Variants in LBP observed in about 807,000 individuals in gnomAD.
The protein encoded by LBP is lipopolysaccharide binding protein, also known as lipopolysaccharide-binding protein.
In LBP, 53 loss-of-function variants were observed where a neutral mutation model predicts 56.6. The observed-to-expected ratio is 0.94, with a 90% CI of 0.75 to 1.18. The LOEUF (loss-of-function observed/expected upper bound fraction) is 1.18. Ranked by LOEUF, LBP falls within the 50% of genes most tolerant of loss-of-function variation. LBP has a pLI of 0.00. For missense variants in LBP, 601 were observed against 598.3 expected, an observed-to-expected ratio of 1.00 and a Z score of -0.05; for synonymous variants, 227 against 247.5, an observed-to-expected ratio of 0.92 and a Z score of 0.78.
intron 3 of LBP, among the ~76,000 whole-genome samples, chr20:38,353,947 G>A (rs913448645): frequency 6.6e-6 from 1 of 151,554 alleles, no homozygotes; most frequent in Admixed American, 6.6e-5. Flanking sequence ...AAGGAAATTG[G>A]CTCTTTAGAT....
intron 3 of LBP, among the ~76,000 whole-genome samples, chr20:38,352,165 A>T (rs1231081490): frequency 1.3e-5 from 2 of 152,180 alleles, no homozygotes; most frequent in Non-Finnish European, 2.9e-5. Context: ...TTTAAATGTA[A>T]TCACCTCTTC....
At chr20:38,352,502 C>T (rs2076823957) in intron 3 of LBP, among the ~76,000 whole-genome samples, 1 of 152,168 alleles carries the variant, frequency 6.6e-6, no homozygotes, top group South Asian at 2.1e-4. Context: ...TGCCTGTAAT[C>T]CCAGCACTTT....
intron 14 of LBP, among the ~76,000 whole-genome samples, chr20:38,374,489 C>G (rs1441796702): frequency 6.6e-6 from 1 of 150,888 alleles, no homozygotes; most frequent in Non-Finnish European, 1.5e-5. Flanking sequence ...CCCAGCTACT[C>G]AGGAGGCTGA....
At chr20:38,349,515 T>A in intron 1 of LBP, 33 bp from the exon 2 acceptor site, 1 of 1,521,258 alleles carries the variant, frequency 6.6e-7, no homozygotes, top group Non-Finnish European at 9.0e-7. Context: ...GGCAGGCAGA[T>A]CAAGCTGACT....
At chr20:38,374,156 G>T (rs1279071957) in intron 14 of LBP, 143 bp downstream of exon 14, 13 of 763,186 alleles carry the variant, frequency 1.7e-5, no homozygotes, top group Non-Finnish European at 2.6e-5. Flanking sequence ...GGTGCTCCTG[G>T]GCCTTGCCAT....
At chr20:38,364,825 C>T in intron 8 of LBP, 73 bp downstream of exon 8, 1 of 1,355,960 alleles carries the variant, frequency 7.4e-7, no homozygotes, top group Non-Finnish European at 1.0e-6. Context: ...CCTTTTCACC[C>T]CTGTTGACAT....
rs1266762751 is a variant in LBP at position 38,349,650 on chromosome 20, A to G, written c.227A>G (p.Tyr76Cys). 1.9e-6 allele frequency: 3 copies of G among 1,604,676 alleles called. No individual in the cohort carries two copies. The highest frequency in any genetic ancestry group is 1.1e-5 in the South Asian group (1 of 89,278). ...ATCCCCCACGTCGGCCGTGGGCGCTATGAGTTCCACAGGTGGGGCTCTCCC... is the reference window on the plus strand; with the variant it reads ...ATCCCCCACGTCGGCCGTGGGCGCTGTGAGTTCCACAGGTGGGGCTCTCCC... ...LRIPHVGRGRYEFHSLNIHSC... is the reference protein window; with the variant it reads ...LRIPHVGRGRCEFHSLNIHSC... Residue 76 changes from tyrosine (Y) to cysteine (C), a missense_variant, in exon 2 of 15, where the codon TAT becomes TGT. Tyr to Cys is a radical substitution (Grantham distance 194). Transcript: ENST00000217407.
At chr20:38,371,429 G>T in intron 12 of LBP, 107 bp downstream of exon 12, 1 of 865,522 alleles carries the variant, frequency 1.2e-6, no homozygotes, top group Non-Finnish European at 1.8e-6. Flanking sequence ...GAGAAGAGTT[G>T]ATTTTTTGCC....
chr20:38,373,088 C>T lies in LBP; in HGVS notation c.1277C>T (p.Ala426Val), dbSNP rs1179478330. Reference protein sequence around the residue: ...VGLFNAELLEALLNYYILNTF... With the variant: ...VGLFNAELLEVLLNYYILNTF... ...CTCTTCCAGGCAGAGCTGTTGGAAG[C>T]GCTCCTCAACTATTACATCCTTAAC... The change falls in exon 13 of 15, where the codon GCG (alanine) becomes GTG (valine). Residue 426 changes from alanine (A) to valine (V), a missense_variant. Coordinates refer to ENST00000217407, the MANE Select transcript of LBP (RefSeq NM_004139.5). The T allele has an allele frequency of 1.9e-5, 31 of 1,613,822 alleles. No individual in the cohort carries two copies. Among genetic ancestry groups the T allele is most frequent in the Middle Eastern group, 1.6e-4 (1 of 6,062 alleles).
chr20:38,355,465 A>G (rs2076835633), intron 5 of LBP, 56 bp downstream of exon 5: 1 of 1,449,816 alleles, frequency 6.9e-7, no homozygotes, highest in Non-Finnish European at 9.7e-7. Flanking sequence ...TGAATGGAAG[A>G]CCTCACTGAC....
chr20:38,370,236 C>A (rs1453084129), intron 10 of LBP, among the ~76,000 whole-genome samples: 1 of 151,930 alleles, frequency 6.6e-6, no homozygotes, highest in Non-Finnish European at 1.5e-5. Flanking sequence ...AATAGCCAGG[C>A]CTGGTGGCAT....
At position 38,373,275 on chromosome 20, in the gene LBP, C is replaced by A. The variant is rs1568836888; in HGVS notation, c.1324+140C>A. On this transcript the variant is annotated intron_variant, in intron 13 of 14. Coordinates refer to ENST00000217407, the MANE Select transcript of LBP (RefSeq NM_004139.5). Reference sequence around the variant, plus strand: ...ACTTCTCTCTGAGCTTAGTGACCTGCCTGTGACATGGGATCGTTGAAGTTG... The same window carrying A: ...ACTTCTCTCTGAGCTTAGTGACCTGACTGTGACATGGGATCGTTGAAGTTG... 2.1e-5 allele frequency: 15 copies of A among 699,818 alleles called. No individual in the cohort carries two copies. The East Asian group carries it at 3.8e-4, about 18-fold the overall frequency. The allele number at this position is 699,818 out of a possible 1,614,324, so 43.4% of individuals were successfully genotyped here. A position where few individuals can be genotyped will look rare whatever the true frequency, so the allele number is the denominator to read the frequency against.
Position 38,369,000 on chromosome 20 carries a change from C to A in LBP, c.987C>A (p.Ala329=). Residue 329 remains alanine, a synonymous_variant, in exon 10 of 15, where the codon GCC becomes GCA. Coordinates refer to ENST00000217407, the MANE Select transcript of LBP (RefSeq NM_004139.5). The part of the protein sequence containing the change: ...KSFRPFVPRL[A]RLYPNMNLEL... ...TCTCCTAATTCTGCTCCCAGTTAGC[C>A]AGGCTCTACCCCAACATGAACCTGG... 6.2e-7 allele frequency: 1 copy of A among 1,614,108 alleles called. No homozygotes were observed. The highest frequency in any genetic ancestry group is 8.5e-7 in the Non-Finnish European group (1 of 1,179,970).
At chr20:38,366,500 A>G (rs573535742) in intron 8 of LBP, among the ~76,000 whole-genome samples, 2 of 152,144 alleles carry the variant, frequency 1.3e-5, no homozygotes, top group Non-Finnish European at 2.9e-5. Flanking sequence ...TCAGGACACA[A>G]ACCGAAGTCT....
chr20:38,354,811 G>C (rs777645642), intron 4 of LBP, among the ~76,000 whole-genome samples: 4 of 152,086 alleles, frequency 2.6e-5, no homozygotes, highest in Non-Finnish European at 1.5e-5. Context: ...GACCGGGTGT[G>C]GTGGCTCACG....
intron 8 of LBP, among the ~76,000 whole-genome samples, chr20:38,365,610 T>G (rs923836116): frequency 1.3e-5 from 2 of 150,602 alleles, no homozygotes; most frequent in African/African-American, 4.9e-5. Flanking sequence ...GGCAGGAGAA[T>G]TGCTTGAGCC....
At chr20:38,365,707 AAAAAAAAAAAATAT>A (rs1393570299) in intron 8 of LBP, among the ~76,000 whole-genome samples, 1,201 of 95,246 alleles carry the variant, frequency 0.013, 33 homozygotes, top group East Asian at 0.11. Flanking sequence ...AAAAAAAAAA[AAAAAAAAAAAATAT>A]ATATATATAT....
At chr20:38,366,874 G>A in intron 9 of LBP, 46 bp downstream of exon 9, 1 of 1,535,946 alleles carries the variant, frequency 6.5e-7, no homozygotes, top group Non-Finnish European at 9.0e-7. Flanking sequence ...GAGCCTACTA[G>A]ACTCCAGAGG....
In LBP at chr20:38,346,628, G is replaced by C. The variant is rs1242460225; in HGVS notation, c.112G>C (p.Gly38Arg). 1 of 1,613,520 alleles carries C rather than the reference G, an allele frequency of 6.2e-7. No homozygotes were observed. Residue 38 changes from glycine (G) to arginine (R), a missense_variant, in exon 1 of 15, where the codon GGA becomes CGA. Coordinates refer to ENST00000217407, the MANE Select transcript of LBP (RefSeq NM_004139.5). ...CTTGGTCGCCAGGATCACCGACAAG[G>C]GACTGCAGTATGGTAAGAAGCCACA... ...PGLVARITDKGLQYAAQEGLL... is the reference protein window; with the variant it reads ...PGLVARITDKRLQYAAQEGLL...
Sources: allele counts gnomAD v4.1 joint callset (sites outside exome capture counted in the v4.1 genomes callset), GRCh38; gene constraint gnomAD v4.1.1; transcripts MANE v1.5; gene names NCBI Gene and HGNC (gene_info 2026-07-23, HGNC 2026-07-21).